INTS8: variants seen among roughly 807,000 people sequenced by gnomAD.
INTS8 encodes integrator complex subunit 8.
Under a neutral mutation model 138.9 loss-of-function variants are expected in INTS8, and 47 were observed. The observed-to-expected ratio is 0.34, with a 90% CI of 0.27 to 0.43. The LOEUF is 0.43. Among genes scored for constraint, INTS8 ranks in the 20% least tolerant of loss-of-function variants. The pLI is 1.00. For missense variants in INTS8, 996 were observed against 1,173.0 expected (o/e 0.85, Z 2.20); for synonymous variants, 392 against 400.9 (o/e 0.98, Z 0.27).
chr8:94,859,266 G>A (rs946899770), intron 15 of INTS8, among the ~76,000 whole-genome samples: 2 of 151,340 alleles, frequency 1.3e-5, no homozygotes, highest in Non-Finnish European at 3.0e-5. Context: ...GGGCGACAGA[G>A]TGAGACCCTG....
intron 18 of INTS8, 142 bp from the exon 19 acceptor site, chr8:94,866,998 G>A: frequency 1.5e-6 from 1 of 655,046 alleles, no homozygotes; most frequent in Non-Finnish European, 2.6e-6. Context: ...TTTTTAGTGT[G>A]CTAAAGCACA....
chr8:94,847,637 G>C (rs1815379130), intron 10 of INTS8, among the ~76,000 whole-genome samples: 1 of 151,980 alleles, frequency 6.6e-6, no homozygotes, highest in Admixed American at 6.6e-5. Flanking sequence ...AAGTTTATTA[G>C]TATTAAAATT....
At chr8:94,874,450 CCA>C in intron 22 of INTS8, 100 bp from the exon 23 acceptor site, 3 of 713,262 alleles carry the variant, frequency 4.2e-6, no homozygotes, top group East Asian at 2.7e-5. Flanking sequence ...CCCCGTTCCT[CCA>C]CACACAGCTT....
intron 23 of INTS8, 46 bp from the exon 24 acceptor site, chr8:94,876,028 C>T (rs539553648): frequency 7.9e-7 from 1 of 1,261,780 alleles, no homozygotes; most frequent in South Asian, 1.2e-5. Flanking sequence ...CTTGTAAAAC[C>T]AAGCTTTCAT....
chr8:94,867,255 C>T, intron 19 of INTS8, 21 bp from the exon 20 acceptor site: 1 of 1,601,666 alleles, frequency 6.2e-7, no homozygotes, highest in Non-Finnish European at 8.5e-7. Context: ...GTAAATCACA[C>T]CTTTTTTTTT....
At chr8:94,868,028 C>T (rs1054256390) in intron 20 of INTS8, among the ~76,000 whole-genome samples, 1 of 152,120 alleles carries the variant, frequency 6.6e-6, no homozygotes, top group African/African-American at 2.4e-5. Context: ...TCTAATGCTG[C>T]AGTTATCAAA....
At chr8:94,838,976 G>A (rs924059457) in intron 8 of INTS8, among the ~76,000 whole-genome samples, 3 of 152,196 alleles carry the variant, frequency 2.0e-5, no homozygotes, top group Non-Finnish European at 4.4e-5. Context: ...GTGTGTGTGT[G>A]CATTTGTTTA....
At chr8:94,877,555 C>T (rs1249211061) in intron 26 of INTS8, among the ~76,000 whole-genome samples, 1 of 152,028 alleles carries the variant, frequency 6.6e-6, no homozygotes, top group Non-Finnish European at 1.5e-5. Context: ...TTTTTGAGAC[C>T]CTTATGCTTC....
Position 94,823,341 on chromosome 8 carries a change from CCGGGTTCCGCA to C in INTS8, c.-90_-80del. 6.6e-7 allele frequency: 1 copy of C among 1,510,226 alleles called. No individual in the cohort carries two copies. The highest frequency in any genetic ancestry group is 8.8e-7 in the Non-Finnish European group (1 of 1,133,350). The allele number at this position is 1,510,226 out of a possible 1,614,324, so 93.6% of individuals were successfully genotyped here. On this transcript the variant is annotated 5_prime_UTR_variant, in exon 1 of 27. Transcript: ENST00000523731. ...CGTTCGGAGGGTGGCCTCTCTCCCA[CCGGGTTCCGCA>C]TACCCCAGGCACCGGCCCGCATCCA...
In INTS8 at chr8:94,849,909, G is replaced by A; in HGVS notation, c.1332-7G>A. ...TTTTTGTTTTACAATATTTCTTACT[G>A]ATCTAGGAATGTGTGTCTGGGGTTG... On this transcript the variant is annotated splice_polypyrimidine_tract_variant and splice_region_variant and intron_variant, in intron 11 of 26. Coordinates refer to ENST00000523731, the MANE Select transcript of INTS8 (RefSeq NM_017864.4). 6.3e-7 allele frequency: 1 copy of A among 1,597,174 alleles called. No individual in the cohort carries two copies. The highest frequency in any genetic ancestry group is 8.5e-7 in the Non-Finnish European group (1 of 1,171,270).
chr8:94,856,710 A>T, intron 14 of INTS8, 67 bp from the exon 15 acceptor site: 1 of 1,306,542 alleles, frequency 7.7e-7, no homozygotes, highest in Non-Finnish European at 1.1e-6. Context: ...TGCTCTGTCA[A>T]CATAAAGGCA....
intron 16 of INTS8, among the ~76,000 whole-genome samples, chr8:94,863,367 T>C (rs1039226554): frequency 1.3e-5 from 2 of 152,254 alleles, no homozygotes; most frequent in East Asian, 3.8e-4. Flanking sequence ...TTTGTCACAT[T>C]AGCCAGGATG....
At chr8:94,851,514 T>G in intron 12 of INTS8, 39 bp from the exon 13 acceptor site, 1 of 1,396,520 alleles carries the variant, frequency 7.2e-7, no homozygotes, top group Non-Finnish European at 9.8e-7. Context: ...CTCGTGTATA[T>G]CTTTGAATTA....
chr8:94,846,651 C>G (rs1271465175), intron 10 of INTS8, among the ~76,000 whole-genome samples: 1 of 152,166 alleles, frequency 6.6e-6, no homozygotes, highest in Admixed American at 6.5e-5. Context: ...AGAACTGCCT[C>G]GTCTCACTCC....
chr8:94,877,634 G>A (rs186874672), intron 26 of INTS8, among the ~76,000 whole-genome samples: 202 of 152,250 alleles, frequency 1.3e-3, no homozygotes, highest in Non-Finnish European at 2.3e-3. Flanking sequence ...AAGACGTGAG[G>A]AATTTACCTG....
chr8:94,869,102 G>C (rs1298377344), intron 20 of INTS8, among the ~76,000 whole-genome samples: 3 of 150,360 alleles, frequency 2.0e-5, no homozygotes, highest in Non-Finnish European at 4.4e-5. Flanking sequence ...CCTGCCTCAG[G>C]CTCCCGAGTA....
chr8:94,834,929 T>G (rs1265148244), intron 6 of INTS8, among the ~76,000 whole-genome samples: 2 of 152,090 alleles, frequency 1.3e-5, no homozygotes, highest in Admixed American at 6.6e-5. Flanking sequence ...TTTTGTGGTA[T>G]AAAAGGAGTA....
At chr8:94,873,790 C>G (rs1240711828) in intron 22 of INTS8, 2 of 196,866 alleles carry the variant, frequency 1.0e-5, no homozygotes, top group African/African-American at 4.7e-5. Flanking sequence ...AAAAAACCTG[C>G]AAAATACCAA....
intron 4 of INTS8, among the ~76,000 whole-genome samples, chr8:94,828,264 C>T (rs1425517951): frequency 6.6e-6 from 1 of 152,138 alleles, no homozygotes; most frequent in Non-Finnish European, 1.5e-5. Flanking sequence ...TGGTGTCGAA[C>T]TCCTGACCTC....
Sources: gnomAD v4.1 joint callset for allele counts (sites outside exome capture counted in the v4.1 genomes callset) on GRCh38, gnomAD v4.1.1 for gene constraint, MANE v1.5 for transcripts, NCBI Gene and HGNC (gene_info 2026-07-23, HGNC 2026-07-21) for gene names.